TBL1XR1: variants seen among roughly 807,000 people sequenced by gnomAD.
TBL1XR1 encodes the protein F-box-like/WD repeat-containing protein TBL1XR1.
A neutral mutation model predicts 66.9 loss-of-function variants in TBL1XR1; 5 were observed. The ratio of observed to expected loss-of-function variants is 0.07; its 90% confidence interval spans 0.04 to 0.16. The LOEUF is 0.16. TBL1XR1 is among the 10% of genes least tolerant of loss of function. TBL1XR1 has a pLI of 1.00. For synonymous variants in TBL1XR1, 210 were observed against 206.0 expected (o/e 1.02, Z -0.17); for missense variants, 238 against 623.2 (o/e 0.38, Z 6.58).
intron 1 of TBL1XR1, among the ~76,000 whole-genome samples, chr3:177,196,030 T>A (rs1414868827): frequency 2.0e-5 from 3 of 152,156 alleles, no homozygotes; most frequent in Non-Finnish European, 1.5e-5. Context: ...AAAGAGAGCA[T>A]TTTTTAAAAG....
Position 177,112,092 on chromosome 3 carries a change from TATATATATATATATA to T in TBL1XR1, c.-121-13566_-121-13552del, listed in dbSNP as rs1239872422. Reference sequence around the variant, plus strand: ...AAAATCAAATATATATATATATATATATATATATATATATATTTTTTTTTTTTTTTTTTGTGAGGG... The same window carrying T: ...AAAATCAAATATATATATATATATATTTTTTTTTTTTTTTTTTTGTGAGGG... On this transcript the variant is annotated intron_variant, in intron 1 of 15. Coordinates refer to ENST00000457928, the MANE Select transcript of TBL1XR1 (RefSeq NM_024665.7). Among the ~76,000 whole-genome samples, 65 of 47,698 alleles carry T rather than the reference TATATATATATATATA, an allele frequency of 1.4e-3. 1 individual carries two copies. Among genetic ancestry groups the T allele is most frequent in the South Asian group, 4.1e-3 (6 of 1,450 alleles). 31.3% of individuals were successfully genotyped at this position (47,698 alleles called of 152,430 possible).
chr3:177,119,189 C>T (rs1726685238), intron 1 of TBL1XR1, among the ~76,000 whole-genome samples: 2 of 152,142 alleles, frequency 1.3e-5, no homozygotes, highest in Admixed American at 1.3e-4. Flanking sequence ...CCGGGCTGGT[C>T]TCCAAACTCC....
chr3:177,071,975 G>GAGAA lies in TBL1XR1; in HGVS notation c.-45-6957_-45-6954dup, dbSNP rs1270121688. On this transcript the variant is annotated intron_variant, in intron 2 of 15. Transcript: ENST00000457928. Reference sequence around the variant, plus strand: ...CCCAGGGCACATGGGCTGGGGAGAAGAGAAGTACATCACTCCATAACCACA... The same window carrying GAGAA: ...CCCAGGGCACATGGGCTGGGGAGAAGAGAAAGAAGTACATCACTCCATAACCACA... 2.6e-5 allele frequency among the ~76,000 whole-genome samples: 4 copies of GAGAA among 152,308 alleles called. No individual in the cohort carries two copies. In the South Asian group the frequency reaches 8.3e-4, roughly 32 times the overall value.
At chr3:177,134,345 T>A (rs1305218281) in intron 1 of TBL1XR1, among the ~76,000 whole-genome samples, 3 of 152,040 alleles carry the variant, frequency 2.0e-5, no homozygotes, top group African/African-American at 7.3e-5. Flanking sequence ...GAACCATAAA[T>A]CAGAGGAAAG....
chr3:177,054,191 T>C (rs551340887), intron 3 of TBL1XR1, among the ~76,000 whole-genome samples: 25 of 152,328 alleles, frequency 1.6e-4, no homozygotes, highest in Middle Eastern at 3.4e-3. Flanking sequence ...TTTTCTAAAA[T>C]GTCATGGTAC....
At chr3:177,095,234 G>A (rs1397115288) in intron 2 of TBL1XR1, among the ~76,000 whole-genome samples, 1 of 151,930 alleles carries the variant, frequency 6.6e-6, no homozygotes, top group Non-Finnish European at 1.5e-5. Flanking sequence ...TTGGGAACTC[G>A]CAGGCGGGTA....
intron 1 of TBL1XR1, among the ~76,000 whole-genome samples, chr3:177,115,744 A>G (rs1286029919): frequency 6.6e-6 from 1 of 152,238 alleles, no homozygotes. Flanking sequence ...TGAAGCAAGA[A>G]GTAGTAATGG....
chr3:177,029,720 G>C (rs941394591), intron 14 of TBL1XR1, among the ~76,000 whole-genome samples: 1 of 152,132 alleles, frequency 6.6e-6, no homozygotes, highest in Non-Finnish European at 1.5e-5. Flanking sequence ...GAGATCACTG[G>C]AATCCATATA....
chr3:177,069,680 A>C (rs1167264760), intron 2 of TBL1XR1, among the ~76,000 whole-genome samples: 1 of 151,958 alleles, frequency 6.6e-6, no homozygotes, highest in Non-Finnish European at 1.5e-5. Flanking sequence ...TGGAGGTTAC[A>C]GTGAGCCGAG....
chr3:177,170,724 CCCA>C (rs1733361673), intron 1 of TBL1XR1, among the ~76,000 whole-genome samples: 1 of 152,138 alleles, frequency 6.6e-6, no homozygotes, highest in East Asian at 1.9e-4. Context: ...CCTGCCTCTG[CCCA>C]CCAAGTACCT....
chr3:177,146,215 A>T (rs116405024), intron 1 of TBL1XR1, among the ~76,000 whole-genome samples: 2,402 of 152,148 alleles, frequency 0.016, 67 homozygotes, highest in African/African-American at 0.055. Flanking sequence ...ATTTGCTTTC[A>T]TTTGGCTTGT....
intron 3 of TBL1XR1, 97 bp from the exon 4 acceptor site, chr3:177,054,015 T>A: frequency 2.3e-6 from 3 of 1,303,702 alleles, no homozygotes; most frequent in South Asian, 2.9e-5. Context: ...TCAAATCCCA[T>A]CCTACCCATT....
intron 1 of TBL1XR1, among the ~76,000 whole-genome samples, chr3:177,109,580 C>G (rs1473574010): frequency 6.6e-6 from 1 of 152,020 alleles, no homozygotes; most frequent in Non-Finnish European, 1.5e-5. Context: ...AAAGTTAGCC[C>G]TTTACATCGA....
intron 1 of TBL1XR1, among the ~76,000 whole-genome samples, chr3:177,130,225 T>C (rs1353151729): frequency 6.6e-6 from 1 of 151,876 alleles, no homozygotes; most frequent in Non-Finnish European, 1.5e-5. Context: ...GAAATTCTAC[T>C]GTGGGGAACT....
At chr3:177,134,979 C>CTGTGTGTGTCTG (rs1728750661) in intron 1 of TBL1XR1, among the ~76,000 whole-genome samples, 5 of 48,206 alleles carry the variant, frequency 1.0e-4, no homozygotes, top group Admixed American at 2.6e-4. Context: ...GTGTGTGTGT[C>CTGTGTGTGTCTG]TGTGTGTGTG....
intron 2 of TBL1XR1, among the ~76,000 whole-genome samples, chr3:177,087,988 C>T (rs751439340): frequency 6.6e-6 from 1 of 152,120 alleles, no homozygotes; most frequent in Non-Finnish European, 1.5e-5. Flanking sequence ...CCGTGTTAAA[C>T]ATCTATCCCT....
intron 12 of TBL1XR1, chr3:177,037,472 C>A (rs1714957027): frequency 6.6e-6 from 1 of 151,882 alleles, no homozygotes; most frequent in African/African-American, 2.4e-5. Context: ...ACTTAGCTGA[C>A]TGAGAAAAGC....
chr3:177,078,380 C>T (rs898285745), intron 2 of TBL1XR1, among the ~76,000 whole-genome samples: 1 of 151,566 alleles, frequency 6.6e-6, no homozygotes. Flanking sequence ...TCACTTGAGC[C>T]CTGGGCAACA....
intron 1 of TBL1XR1, among the ~76,000 whole-genome samples, chr3:177,099,114 C>A (rs1197430550): frequency 6.6e-6 from 1 of 152,036 alleles, no homozygotes; most frequent in African/African-American, 2.4e-5. Context: ...CGCCTGTAAT[C>A]CCAGCACTTT....
Sources: gnomAD v4.1 joint callset for allele counts (sites outside exome capture counted in the v4.1 genomes callset) on GRCh38, gnomAD v4.1.1 for gene constraint, MANE v1.5 for transcripts, NCBI Gene and HGNC (gene_info 2026-07-23, HGNC 2026-07-21) for gene names.